The following ACTR3 variants were observed in gnomAD, a reference collection of about 807,000 sequenced individuals.
ACTR3 encodes actin related protein 3.
A neutral mutation model predicts 56.8 loss-of-function variants in ACTR3; 12 were observed. The ratio of observed to expected loss-of-function variants is 0.21; its 90% CI spans 0.14 to 0.34. The LOEUF (loss-of-function observed/expected upper bound fraction) is 0.34, where lower values mean the gene tolerates loss of function less well. Ranked by LOEUF, ACTR3 falls within the 10% of genes least tolerant of loss-of-function variation. The probability of loss-of-function intolerance (pLI) is 1.00; values close to 1 mark genes in which losing one functional copy is unlikely to be tolerated. For synonymous variants in ACTR3, 162 were observed against 167.4 expected, an observed-to-expected ratio of 0.97 and a Z score of 0.25; for missense variants, 282 against 512.5, an observed-to-expected ratio of 0.55 and a Z score of 4.34.
At chr2:113,943,180 G>C (rs1679956084) in intron 8 of ACTR3, among the ~76,000 whole-genome samples, 1 of 152,244 alleles carries the variant, frequency 6.6e-6, no homozygotes, top group African/African-American at 2.4e-5. Flanking sequence ...CAAAGAGCAT[G>C]TAAGTCTGCT....
chr2:113,910,310 C>T (rs1679283418), intron 1 of ACTR3, among the ~76,000 whole-genome samples: 2 of 152,222 alleles, frequency 1.3e-5, no homozygotes, highest in East Asian at 3.9e-4. Flanking sequence ...GAGGGTGGTA[C>T]GCTCGAGAGG....
At position 113,927,336 on chromosome 2, in the gene ACTR3, T is replaced by G; in HGVS notation, c.226-9T>G. 1.3e-6 allele frequency: 2 copies of G among 1,532,308 alleles called. No individual in the cohort carries two copies. The highest frequency in any genetic ancestry group is 1.8e-6 in the Non-Finnish European group (2 of 1,139,388). 94.9% of individuals were successfully genotyped at this position (1,532,308 alleles called of 1,614,324 possible). Reference sequence around the variant, plus strand: ...GATTTAATTTGTATTTCCCTTTTTGTTTTAATAGTGGCCAATCCGCCATGG... The same window carrying G: ...GATTTAATTTGTATTTCCCTTTTTGGTTTAATAGTGGCCAATCCGCCATGG... On this transcript the variant is annotated splice_polypyrimidine_tract_variant and intron_variant, in intron 3 of 11. Coordinates refer to ENST00000263238, the MANE Select transcript of ACTR3 (RefSeq NM_005721.5).
intron 1 of ACTR3, among the ~76,000 whole-genome samples, chr2:113,907,468 G>C (rs902800112): frequency 1.3e-5 from 2 of 152,048 alleles, no homozygotes; most frequent in African/African-American, 4.8e-5. Flanking sequence ...GCCCAGGCTG[G>C]TGTTCACCTC....
intron 11 of ACTR3, 29 bp from the exon 12 acceptor site, chr2:113,957,331 T>G (rs776030836): frequency 1.3e-6 from 2 of 1,546,328 alleles, no homozygotes; most frequent in South Asian, 1.1e-5. Context: ...TTTTTGACCC[T>G]TATAAAAATA....
chr2:113,934,433 T>C, intron 6 of ACTR3, 47 bp downstream of exon 6: 2 of 1,206,142 alleles, frequency 1.7e-6, no homozygotes, highest in Non-Finnish European at 2.3e-6. Flanking sequence ...ATAACACATC[T>C]GGCAAAGTTA....
intron 10 of ACTR3, 125 bp from the exon 11 acceptor site, chr2:113,955,498 G>A (rs969098950): frequency 1.6e-5 from 11 of 670,556 alleles, no homozygotes; most frequent in African/African-American, 1.1e-4. Flanking sequence ...ATTGTTTCTG[G>A]TTTGTAAGAT....
In ACTR3 at chr2:113,902,304, G is replaced by A. The variant is rs567745979; in HGVS notation, c.45-10868G>A. Among the ~76,000 whole-genome samples the A allele has an allele frequency of 7.3e-5, 11 of 151,220 alleles. No individual in the cohort carries two copies. The East Asian group carries it at 1.9e-3, about 27-fold the overall frequency. ...TCTTCTAGTCACCAAGGCTTTGATA[G>A]CTTCAAAAGTGCTTTTGAATTCTTT... On this transcript the variant is annotated intron_variant, in intron 1 of 11. Transcript: ENST00000263238.
chr2:113,956,113 A>G (rs1017785897), intron 11 of ACTR3, among the ~76,000 whole-genome samples: 1 of 151,916 alleles, frequency 6.6e-6, no homozygotes, highest in Non-Finnish European at 1.5e-5. Context: ...GCTGGTCTCA[A>G]ACTCTTGGGC....
chr2:113,936,302 CAAAAAAAA>C (rs61526382), intron 6 of ACTR3, among the ~76,000 whole-genome samples: 9,958 of 78,586 alleles, frequency 0.13, 444 homozygotes, highest in African/African-American at 0.17. Context: ...ACCCTGTCTC[CAAAAAAAA>C]AAAAAAAAAA....
chr2:113,894,115 G>A (rs1028014950), intron 1 of ACTR3, among the ~76,000 whole-genome samples: 1 of 151,118 alleles, frequency 6.6e-6, no homozygotes, highest in Non-Finnish European at 1.5e-5. Flanking sequence ...TTGAGATGGA[G>A]TTTTGCTCTC....
At chr2:113,944,198 TATCTC>T (rs1376553254) in intron 8 of ACTR3, among the ~76,000 whole-genome samples, 1 of 152,134 alleles carries the variant, frequency 6.6e-6, no homozygotes, top group Non-Finnish European at 1.5e-5. Context: ...GCTTGTTACT[TATCTC>T]AGTGAGAGGT....
At chr2:113,942,407 G>T in intron 8 of ACTR3, 48 bp downstream of exon 8, 1 of 1,263,470 alleles carries the variant, frequency 7.9e-7, no homozygotes, top group South Asian at 2.0e-5. Context: ...CAGCAAATAT[G>T]AATTAATAGA....
rs1162457133 is a variant in ACTR3, at chr2:113,931,329, A to G, written c.365A>G (p.Asn122Ser). The G allele has an allele frequency of 6.3e-7, 1 of 1,592,814 alleles. No individual in the cohort carries two copies. The highest frequency in any genetic ancestry group is 8.5e-7 in the Non-Finnish European group (1 of 1,169,756). Reference sequence around the variant, plus strand: ...GAACCTCCATTGAATACTCCAGAAAACAGGGAATATACTGCTGAAATAATG... The same window carrying G: ...GAACCTCCATTGAATACTCCAGAAAGCAGGGAATATACTGCTGAAATAATG... ...LTEPPLNTPE[N>S]REYTAEIMFE... The change falls in exon 5 of 12, where the codon AAC becomes AGC. Residue 122 changes from asparagine to serine, a missense_variant. By Grantham distance (46) the Asn-to-Ser change is conservative. Transcript: ENST00000263238.
chr2:113,938,067 C>T (rs780059430), intron 6 of ACTR3, among the ~76,000 whole-genome samples: 4 of 151,654 alleles, frequency 2.6e-5, no homozygotes, highest in Non-Finnish European at 5.9e-5. Context: ...GTTTTTATTG[C>T]TCTGTCTTCA....
chr2:113,924,135 A>G (rs909533513), intron 3 of ACTR3, among the ~76,000 whole-genome samples: 3 of 151,330 alleles, frequency 2.0e-5, no homozygotes, highest in African/African-American at 7.3e-5. Flanking sequence ...GCTCACTGCA[A>G]GACCCTCCAC....
intron 1 of ACTR3, among the ~76,000 whole-genome samples, chr2:113,897,442 G>A (rs922317318): frequency 3.3e-5 from 5 of 150,288 alleles, no homozygotes; most frequent in Non-Finnish European, 5.9e-5. Context: ...CCAAACTGTC[G>A]ATTTAAACTC....
At chr2:113,891,140 C>T (rs1295961113) in intron 1 of ACTR3, among the ~76,000 whole-genome samples, 2 of 152,092 alleles carry the variant, frequency 1.3e-5, no homozygotes, top group African/African-American at 4.8e-5. Flanking sequence ...AACTTTTAAG[C>T]AGGTTTTAAA....
chr2:113,913,082 A>C (rs1012846221), intron 1 of ACTR3, 90 bp from the exon 2 acceptor site: 3 of 830,202 alleles, frequency 3.6e-6, no homozygotes, highest in South Asian at 1.7e-5. Context: ...CTACGATGGA[A>C]TCTCACTTCA....
chr2:113,903,388 A>G (rs994147978), intron 1 of ACTR3, among the ~76,000 whole-genome samples: 1 of 152,114 alleles, frequency 6.6e-6, no homozygotes, highest in East Asian at 1.9e-4. Context: ...TGTTTCTGAG[A>G]CTGAGTCTTG....
Sources: allele counts gnomAD v4.1 joint callset (sites outside exome capture counted in the v4.1 genomes callset), GRCh38; gene constraint gnomAD v4.1.1; transcripts MANE v1.5; gene names NCBI Gene and HGNC (gene_info 2026-07-23, HGNC 2026-07-21).